TAOK1: variants seen among roughly 807,000 people sequenced by gnomAD.
TAOK1 encodes TAO kinase 1.
In TAOK1, 21 loss-of-function variants were observed where a neutral mutation model predicts 138.3. The ratio of observed to expected loss-of-function variants is 0.15; its 90% confidence interval spans 0.11 to 0.22. The LOEUF (loss-of-function observed/expected upper bound fraction) is 0.22. Among genes scored for constraint, TAOK1 ranks in the 10% least tolerant of loss-of-function variants. The pLI is 1.00. For missense variants in TAOK1, 651 were observed against 1,227.7 expected (o/e 0.53, Z 7.02); for synonymous variants, 361 against 398.4 (o/e 0.91, Z 1.12).
intron 13 of TAOK1, among the ~76,000 whole-genome samples, chr17:29,503,395 C>CAAAAAAAAAAAAAAAAAAAAAAAAAAA (rs5819870): frequency 1.2e-5 from 1 of 84,994 alleles, no homozygotes. Flanking sequence ...GACTCTGTCT[C>CAAAAAAAAAAAAAAAAAAAAAAAAAAA]AAAAAAAAAA....
At chr17:29,403,175 A>T (rs796262405) in intron 1 of TAOK1, among the ~76,000 whole-genome samples, 19 of 149,212 alleles carry the variant, frequency 1.3e-4, no homozygotes, top group African/African-American at 4.8e-4. Context: ...AAAAAAAAAA[A>T]AAAAAAAAAA....
Position 29,551,008 on chromosome 17 carries a change from A to AG in TAOK1, c.*7986_*7987insG, listed in dbSNP as rs2032483859. 1.6e-5 allele frequency: 2 copies of AG among 124,360 alleles called. No individual in the cohort carries two copies. Among genetic ancestry groups the AG allele is most frequent in the Non-Finnish European group, 2.0e-5 (1 of 50,996 alleles). The allele number at this position is 124,360 out of a possible 1,614,324, so 7.7% of individuals were successfully genotyped here. ...TCAGTCAATTGCTTTTTTATTTAAA[A>AG]AAAAAAAGAAAAAAAGCTGTAACCT... On this transcript the variant is annotated 3_prime_UTR_variant, in exon 20 of 20. Transcript: ENST00000261716.
rs562041827 is a variant in TAOK1 at position 29,545,233 on chromosome 17, G to T, written c.*2211G>T. ...GTCTCAGTATCTTTTTTGCATTCAG[G>T]TATTATAGCGTTTCCAACAAATTGA... is the stretch of plus-strand genomic sequence containing the variant. On this transcript the variant is annotated 3_prime_UTR_variant, in exon 20 of 20. Transcript: ENST00000261716. 4 of 152,134 alleles carry T rather than the reference G, an allele frequency of 2.6e-5. No homozygotes were observed. In the East Asian group the frequency reaches 5.8e-4, roughly 22 times the overall value. 9.4% of individuals were successfully genotyped at this position (152,134 alleles called of 1,614,324 possible).
intron 1 of TAOK1, among the ~76,000 whole-genome samples, chr17:29,414,555 CTTTA>C (rs554761995): frequency 2.9e-5 from 4 of 138,140 alleles, no homozygotes; most frequent in Non-Finnish European, 4.7e-5. Context: ...CAGCCCAATA[CTTTA>C]TTTATTTATT....
At chr17:29,530,012 G>A (rs761757114) in intron 17 of TAOK1, among the ~76,000 whole-genome samples, 8 of 151,464 alleles carry the variant, frequency 5.3e-5, no homozygotes, top group African/African-American at 1.7e-4. Context: ...GGGTAACAGA[G>A]TGAGACTCCA....
chr17:29,450,969 A>G (rs994882761), intron 1 of TAOK1, among the ~76,000 whole-genome samples: 2 of 152,238 alleles, frequency 1.3e-5, no homozygotes, highest in Non-Finnish European at 2.9e-5. Flanking sequence ...AAGTTTATGG[A>G]GAAACAGTTG....
rs547367537 is a variant in TAOK1, at chr17:29,443,325, ATCT to A, written c.-94-8125_-94-8123del. On this transcript the variant is annotated intron_variant, in intron 1 of 19. Transcript: ENST00000261716. ...GCTGTAATTATCAGTACCTTCCCCCATCTTCTTTTTGTTGCTCTTGAATGATGT... is the reference window on the plus strand; with the variant it reads ...GCTGTAATTATCAGTACCTTCCCCCATCTTTTTGTTGCTCTTGAATGATGT... 1.8e-3 allele frequency among the ~76,000 whole-genome samples: 277 copies of A among 152,216 alleles called. 1 individual carries two copies. The highest frequency in any genetic ancestry group is 3.9e-3 in the South Asian group (19 of 4,822).
At position 29,548,426 on chromosome 17, in the gene TAOK1, G is replaced by T. The variant is rs1282445640; in HGVS notation, c.*5404G>T. On this transcript the variant is annotated 3_prime_UTR_variant, in exon 20 of 20. Coordinates refer to ENST00000261716, the MANE Select transcript of TAOK1 (RefSeq NM_020791.4). The stretch of plus-strand genomic sequence containing the variant: ...AGGTGTATTTTTTTTTTGTATATAT[G>T]TCTGTGTGATTGTATTGTTTTGTTT... 3 of 151,708 alleles carry T rather than the reference G, an allele frequency of 2.0e-5. No homozygotes were observed. The highest frequency in any genetic ancestry group is 3.4e-3 in the Middle Eastern group (1 of 294). 9.4% of individuals were successfully genotyped at this position (151,708 alleles called of 1,614,324 possible).
chr17:29,452,508 TAAAA>T (rs1219397892), intron 2 of TAOK1, among the ~76,000 whole-genome samples: 2 of 152,136 alleles, frequency 1.3e-5, no homozygotes, highest in Non-Finnish European at 2.9e-5. Flanking sequence ...GCGTGTGAAT[TAAAA>T]AAACTTATCA....
At chr17:29,530,702 C>T (rs145303040) in intron 18 of TAOK1, 83 bp downstream of exon 18, 1 of 1,173,860 alleles carries the variant, frequency 8.5e-7, no homozygotes, top group Non-Finnish European at 1.3e-6. Flanking sequence ...AATTAAAGTA[C>T]TAGTTGGAAA....
chr17:29,413,396 G>C (rs576907786), intron 1 of TAOK1, among the ~76,000 whole-genome samples: 43 of 152,218 alleles, frequency 2.8e-4, no homozygotes, highest in African/African-American at 8.9e-4. Flanking sequence ...CAGGAGTTCA[G>C]ACCAGCTTGG....
chr17:29,513,447 A>G (rs2031759199), intron 15 of TAOK1: 1 of 152,236 alleles, frequency 6.6e-6, no homozygotes. Context: ...CAGTGAAATC[A>G]GACTTTAGCT....
At chr17:29,474,562 A>G (rs1456137042) in intron 3 of TAOK1, among the ~76,000 whole-genome samples, 1 of 152,186 alleles carries the variant, frequency 6.6e-6, no homozygotes, top group Non-Finnish European at 1.5e-5. Context: ...AAAGGGAGAC[A>G]GACTGGGGAA....
rs541172592 is a variant in TAOK1 at position 29,436,785 on chromosome 17, G to A, written c.-94-14670G>A. Among the ~76,000 whole-genome samples the A allele has an allele frequency of 3.9e-5, 6 of 152,242 alleles. No individual in the cohort carries two copies. The South Asian group carries it at 1.0e-3, about 26-fold the overall frequency. On this transcript the variant is annotated intron_variant, in intron 1 of 19. Coordinates refer to ENST00000261716, the MANE Select transcript of TAOK1 (RefSeq NM_020791.4). ...ATTTACTAAGATATAACCTAAAGAA[G>A]ATTAAACACCATTTTGGCAATTCCG...
chr17:29,494,466 T>C (rs2031370040), intron 10 of TAOK1, among the ~76,000 whole-genome samples: 1 of 151,930 alleles, frequency 6.6e-6, no homozygotes, highest in Non-Finnish European at 1.5e-5. Context: ...CTGTGATTCA[T>C]AGTTACAACT....
intron 1 of TAOK1, among the ~76,000 whole-genome samples, chr17:29,397,092 G>C (rs8080967): frequency 0.62 from 90,401 of 146,484 alleles, 28,963 homozygotes; most frequent in East Asian, 0.97. Flanking sequence ...GTCAGGAGTT[G>C]CAGACGAGCC....
chr17:29,480,573 G>A, intron 7 of TAOK1, 92 bp downstream of exon 7: 1 of 1,141,358 alleles, frequency 8.8e-7, no homozygotes, highest in Non-Finnish European at 1.2e-6. Flanking sequence ...AGTACTGTCA[G>A]GAATGTTAAA....
Position 29,502,301 on chromosome 17 carries a change from G to A in TAOK1, c.1204-288G>A, listed in dbSNP as rs562781042. Reference sequence around the variant, plus strand: ...TAAAATTAGCCTGGCCTGATGGCCCGTGCCTGTAGTTCCAGCTTCTCAGGA... The same window carrying A: ...TAAAATTAGCCTGGCCTGATGGCCCATGCCTGTAGTTCCAGCTTCTCAGGA... On this transcript the variant is annotated intron_variant, in intron 12 of 19. Transcript: ENST00000261716. Among the ~76,000 whole-genome samples, 50 of 152,290 alleles carry A rather than the reference G, an allele frequency of 3.3e-4. No homozygotes were observed. The East Asian group carries it at 7.7e-3, about 24-fold the overall frequency.
intron 1 of TAOK1, among the ~76,000 whole-genome samples, chr17:29,402,070 T>A (rs1904861480): frequency 1.3e-5 from 2 of 152,208 alleles, no homozygotes; most frequent in South Asian, 4.1e-4. Flanking sequence ...TACTGATTCA[T>A]CTGTAGTCTA....
Sources: gnomAD v4.1 joint callset for allele counts (sites outside exome capture counted in the v4.1 genomes callset) on GRCh38, gnomAD v4.1.1 for gene constraint, MANE v1.5 for transcripts, NCBI Gene and HGNC (gene_info 2026-07-23, HGNC 2026-07-21) for gene names.